The following HERC1 variants were observed in gnomAD, a reference collection of about 807,000 sequenced individuals.
HERC1 encodes the protein HECT and RLD domain containing E3 ubiquitin protein ligase family member 1, also known as probable E3 ubiquitin-protein ligase HERC1.
HERC1 carries 160 observed loss-of-function variants against 554.3 expected under a neutral mutation model. The observed-to-expected ratio is 0.29, with a 90% CI of 0.25 to 0.33. The LOEUF is 0.33. Ranked by LOEUF, HERC1 falls within the 10% of genes least tolerant of loss-of-function variation. The probability of loss-of-function intolerance (pLI) is 1.00; values close to 1 mark genes in which losing one functional copy is unlikely to be tolerated. For synonymous variants in HERC1, 2,175 were observed against 2,131.7 expected (o/e 1.02, Z -0.56); for missense variants, 4,919 against 5,918.5 (o/e 0.83, Z 5.54).
intron 1 of HERC1, among the ~76,000 whole-genome samples, chr15:63,788,428 A>G (rs554586856): frequency 1.1e-4 from 17 of 152,362 alleles, no homozygotes; most frequent in African/African-American, 3.6e-4. Flanking sequence ...GTTTTAAGGA[A>G]GAATTCTATC....
At chr15:63,674,233 A>C in intron 38 of HERC1, 109 bp downstream of exon 38, 5 of 955,938 alleles carry the variant, frequency 5.2e-6, no homozygotes, top group Non-Finnish European at 7.3e-6. Flanking sequence ...TGACCAAAAA[A>C]AAAATTTTTT....
intron 25 of HERC1, 108 bp downstream of exon 25, chr15:63,706,672 T>G (rs1318082841): frequency 3.4e-6 from 2 of 583,936 alleles, no homozygotes; most frequent in East Asian, 3.0e-5. Flanking sequence ...CATATCTAAA[T>G]ACATCAGATA....
At position 63,669,735 on chromosome 15, in the gene HERC1, A is replaced by G. The variant is rs529055613; in HGVS notation, c.8046-37T>C. 4.7e-5 allele frequency: 74 copies of G among 1,581,526 alleles called. 1 individual carries two copies. In the South Asian group the frequency reaches 7.1e-4, roughly 15 times the overall value. ...TAACAGTGGTTAGCATAAAAATCCAATTTACGAAATAATACATACATCACA... is the reference window on the plus strand; with the variant it reads ...TAACAGTGGTTAGCATAAAAATCCAGTTTACGAAATAATACATACATCACA... On this transcript the variant is annotated intron_variant, in intron 39 of 77. Transcript: ENST00000443617.
At chr15:63,720,103 C>CTTTTTTTTTTTTTTTTTTTTT (rs573648232) in intron 19 of HERC1, among the ~76,000 whole-genome samples, 7,857 of 71,058 alleles carry the variant, frequency 0.11, 2,478 homozygotes, top group Non-Finnish European at 0.15. Flanking sequence ...TTTTTCTTCC[C>CTTTTTTTTTTTTTTTTTTTTT]TTTTTTTTTT....
Position 63,722,462 on chromosome 15 carries a change from A to G in HERC1, c.3742+720T>C, listed in dbSNP as rs149069045. On this transcript the variant is annotated intron_variant, in intron 19 of 77. Coordinates refer to ENST00000443617, the MANE Select transcript of HERC1 (RefSeq NM_003922.4). Reference sequence around the variant, plus strand: ...AATATAACAGTCTCCCTTATCCATGATCTTGCTTTTCATGGTTTCAGTTAC... The same window carrying G: ...AATATAACAGTCTCCCTTATCCATGGTCTTGCTTTTCATGGTTTCAGTTAC... Among the ~76,000 whole-genome samples the G allele has an allele frequency of 7.4e-3, 1,134 of 152,326 alleles. 15 individuals carry two copies. The highest frequency in any genetic ancestry group is 0.026 in the African/African-American group (1,092 of 41,572).
intron 1 of HERC1, among the ~76,000 whole-genome samples, chr15:63,818,232 G>A (rs2077563219): frequency 6.6e-6 from 1 of 152,128 alleles, no homozygotes; most frequent in African/African-American, 2.4e-5. Context: ...CAATATTGCA[G>A]AATCATTGCT....
At chr15:63,671,905 T>A (rs1015997136) in intron 39 of HERC1, among the ~76,000 whole-genome samples, 1 of 152,226 alleles carries the variant, frequency 6.6e-6, no homozygotes, top group Non-Finnish European at 1.5e-5. Flanking sequence ...CCCTGAAGGC[T>A]CTTCTCTCAA....
At chr15:63,644,149 C>A (rs2069206109) in intron 57 of HERC1, among the ~76,000 whole-genome samples, 1 of 152,214 alleles carries the variant, frequency 6.6e-6, no homozygotes, top group South Asian at 2.1e-4. Context: ...TCCCTCTCCA[C>A]CCTTTCTCCC....
At chr15:63,819,669 G>A (rs914193074) in intron 1 of HERC1, among the ~76,000 whole-genome samples, 6 of 152,114 alleles carry the variant, frequency 3.9e-5, no homozygotes, top group African/African-American at 7.2e-5. Flanking sequence ...CTAAAGTTCC[G>A]TCTCATTGTC....
chr15:63,791,799 G>A (rs1252660248), intron 1 of HERC1, among the ~76,000 whole-genome samples: 3 of 152,104 alleles, frequency 2.0e-5, no homozygotes, highest in African/African-American at 7.2e-5. Flanking sequence ...TAAGAATAAA[G>A]AAGTTGATAT....
Position 63,665,931 on chromosome 15 carries a change from C to A in HERC1, c.8543G>T (p.Gly2848Val), listed in dbSNP as rs1350024545. The A allele has an allele frequency of 1.2e-6, 2 of 1,611,932 alleles. No homozygotes were observed. Among genetic ancestry groups the A allele is most frequent in the East Asian group, 2.2e-5 (1 of 44,886 alleles). The change falls in exon 42 of 78, where the codon GGT (glycine) becomes GTT (valine). Residue 2848 changes from glycine (G) to valine (V), a missense_variant. Coordinates refer to ENST00000443617, the MANE Select transcript of HERC1 (RefSeq NM_003922.4). ...PSADAAEMEE[G>V]FSESPDNLDH... ...ACTGGAATTTCACCTTTCACTAAAA[C>A]CTTCCTCCATTTCAGCAGCATCAGC...
At chr15:63,631,258 C>T (rs1215177974) in intron 68 of HERC1, among the ~76,000 whole-genome samples, 2 of 152,196 alleles carry the variant, frequency 1.3e-5, no homozygotes, top group Non-Finnish European at 2.9e-5. Flanking sequence ...CCAGCCAGCC[C>T]CTGATGCGCA....
chr15:63,670,721 T>C (rs975795556), intron 39 of HERC1, among the ~76,000 whole-genome samples: 3 of 152,130 alleles, frequency 2.0e-5, no homozygotes, highest in African/African-American at 7.2e-5. Flanking sequence ...TGTGGACGCC[T>C]TGAATTCTGT....
chr15:63,831,349 C>T (rs2078147235), intron 1 of HERC1, among the ~76,000 whole-genome samples: 1 of 152,190 alleles, frequency 6.6e-6, no homozygotes, highest in African/African-American at 2.4e-5. Flanking sequence ...TCAAGCCATC[C>T]TCCCACCTCG....
intron 1 of HERC1, among the ~76,000 whole-genome samples, chr15:63,788,396 A>C (rs1286980271): frequency 6.6e-6 from 1 of 152,260 alleles, no homozygotes; most frequent in Non-Finnish European, 1.5e-5. Context: ...AACTATAATC[A>C]CAACAAAATA....
chr15:63,610,051 G>A (rs2067520949), intron 77 of HERC1, among the ~76,000 whole-genome samples: 1 of 151,632 alleles, frequency 6.6e-6, no homozygotes, highest in African/African-American at 2.4e-5. Context: ...ATCCCTCCTT[G>A]CAAACATAAC....
chr15:63,799,712 T>G (rs375403633), intron 1 of HERC1, among the ~76,000 whole-genome samples: 7 of 152,038 alleles, frequency 4.6e-5, no homozygotes, highest in African/African-American at 1.7e-4. Flanking sequence ...GACAATAAAA[T>G]GCCAAAAAAT....
rs373716359 is a variant in HERC1, at chr15:63,690,166, C to CAAAA, written c.5937+371_5937+374dup. On this transcript the variant is annotated intron_variant, in intron 32 of 77. Transcript: ENST00000443617. ...TGGGCGACAGAGCGAGACTCCATCT[C>CAAAA]AAAAAAAAAAAAAAAAAAAGAAATA... 6.2e-4 allele frequency among the ~76,000 whole-genome samples: 48 copies of CAAAA among 77,822 alleles called. 1 individual carries two copies. The East Asian group carries it at 0.021, about 34-fold the overall frequency. The allele number at this position is 77,822 out of a possible 152,430, so 51.1% of individuals were successfully genotyped here.
Position 63,712,827 on chromosome 15 carries a change from C to T in HERC1, c.4532G>A (p.Arg1511Lys). 1 of 1,613,704 alleles carries T rather than the reference C, an allele frequency of 6.2e-7. No homozygotes were observed. The highest frequency in any genetic ancestry group is 8.5e-7 in the Non-Finnish European group (1 of 1,179,716). Residue 1511 changes from arginine to lysine, a missense_variant, in exon 24 of 78, where the codon AGG becomes AAG. Arg to Lys is a conservative substitution (Grantham distance 26, BLOSUM62 2). Around this residue, in one of 11 missense-constraint regions of HERC1, gnomAD observed 1,121 missense variants for 1,244.0 expected, o/e 0.90. Coordinates refer to ENST00000443617, the MANE Select transcript of HERC1 (RefSeq NM_003922.4). The stretch of plus-strand genomic sequence containing the variant: ...AGGCTGAGACAAATCAGATTCACTC[C>T]TCGATTTGATCAGTCTATAATTTGG... ...TSPNYRLIKS[R>K]SESDLSQPES...
Sources: gnomAD v4.1 joint callset for allele counts (sites outside exome capture counted in the v4.1 genomes callset) on GRCh38, gnomAD v4.1.1 for gene constraint, gnomAD v4.1.1 regional missense constraint, MANE v1.5 for transcripts, NCBI Gene and HGNC (gene_info 2026-07-23, HGNC 2026-07-21) for gene names.